RBM20: variants seen among roughly 807,000 people sequenced by gnomAD.
RBM20 encodes RNA binding motif protein 20, also known as RNA-binding protein 20.
RBM20 carries 51 observed loss-of-function variants against 110.1 expected under a neutral mutation model. That is an observed-to-expected ratio of 0.46 (90% CI 0.37 to 0.59). The LOEUF (loss-of-function observed/expected upper bound fraction) is 0.59. Among genes scored for constraint, RBM20 ranks in the 20% least tolerant of loss-of-function variants. The probability of loss-of-function intolerance (pLI) is 0.00; values close to 1 mark genes in which losing one functional copy is unlikely to be tolerated. For synonymous variants in RBM20, 589 were observed against 618.2 expected, an observed-to-expected ratio of 0.95 and a Z score of 0.70; for missense variants, 1,512 against 1,574.9, an observed-to-expected ratio of 0.96 and a Z score of 0.68.
intron 12 of RBM20, among the ~76,000 whole-genome samples, chr10:110,825,827 A>G (rs1844974272): frequency 6.6e-6 from 1 of 152,126 alleles, no homozygotes; most frequent in South Asian, 2.1e-4. Context: ...CCCTCTCAAA[A>G]CACCTATGAG....
At chr10:110,826,590 T>C (rs1413343544) in intron 12 of RBM20, among the ~76,000 whole-genome samples, 4 of 152,018 alleles carry the variant, frequency 2.6e-5, no homozygotes, top group African/African-American at 4.8e-5. Context: ...CTTCTTTTTT[T>C]TTTTTTTTTG....
At chr10:110,795,220 C>G (rs1844533933) in intron 5 of RBM20, among the ~76,000 whole-genome samples, 1 of 152,248 alleles carries the variant, frequency 6.6e-6, no homozygotes, top group Non-Finnish European at 1.5e-5. Context: ...AACACTCACA[C>G]TAATGGGAGG....
At chr10:110,805,515 A>G (rs775894260) in intron 7 of RBM20, among the ~76,000 whole-genome samples, 9 of 152,188 alleles carry the variant, frequency 5.9e-5, no homozygotes, top group Non-Finnish European at 1.2e-4. Flanking sequence ...AGCTCCCTTC[A>G]TGTTGGCCAA....
intron 1 of RBM20, among the ~76,000 whole-genome samples, chr10:110,729,985 T>A (rs1843604216): frequency 6.6e-6 from 1 of 152,018 alleles, no homozygotes; most frequent in African/African-American, 2.4e-5. Flanking sequence ...CCGGCTAATT[T>A]TTTTGTATTT....
chr10:110,745,473 C>A (rs1340927714), intron 1 of RBM20, among the ~76,000 whole-genome samples: 1 of 152,214 alleles, frequency 6.6e-6, no homozygotes, highest in African/African-American at 2.4e-5. Context: ...CCTGTCCCCA[C>A]TAGCTTTTGT....
chr10:110,831,380 C>G, intron 13 of RBM20, 198 bp downstream of exon 13: 1 of 511,226 alleles, frequency 2.0e-6, no homozygotes, highest in Non-Finnish European at 3.5e-6. Context: ...CCTTCCACTA[C>G]ATGGAAAACC....
chr10:110,695,933 T>A (rs1382641975), intron 1 of RBM20, among the ~76,000 whole-genome samples: 2 of 152,216 alleles, frequency 1.3e-5, no homozygotes, highest in Non-Finnish European at 2.9e-5. Flanking sequence ...ACTGATGCAT[T>A]GTGATATTTT....
intron 7 of RBM20, among the ~76,000 whole-genome samples, chr10:110,808,573 C>A (rs763849436): frequency 3.7e-4 from 56 of 152,198 alleles, no homozygotes; most frequent in Non-Finnish European, 7.6e-4. Context: ...TCTAAAACCT[C>A]TGACTTATTC....
chr10:110,725,994 C>T (rs2134940917), intron 1 of RBM20, among the ~76,000 whole-genome samples: 1 of 151,928 alleles, frequency 6.6e-6, no homozygotes, highest in African/African-American at 2.4e-5. Flanking sequence ...GACCCCATCC[C>T]CATCTTGGGG....
At chr10:110,816,727 G>C (rs2135113181) in intron 9 of RBM20, among the ~76,000 whole-genome samples, 1 of 152,342 alleles carries the variant, frequency 6.6e-6, no homozygotes. Context: ...GCTTGGCACA[G>C]AGCAGGTGTC....
rs753131120 is a variant in RBM20, at chr10:110,777,380, GT to G, written c.192-3419del. ...ACTACTATATGCACCTCAATTTCAG[GT>G]TATTAACTATTGCAGGCTAAGAATT... is the stretch of plus-strand genomic sequence containing the variant. On this transcript the variant is annotated intron_variant, in intron 1 of 13. Transcript: ENST00000369519. Among the ~76,000 whole-genome samples, 25 of 152,268 alleles carry G rather than the reference GT, an allele frequency of 1.6e-4. No homozygotes were observed. The East Asian group carries it at 1.7e-3, about 11-fold the overall frequency.
rs78712842 is a variant in RBM20, at chr10:110,775,047, C to T, written c.192-5754C>T. Among the ~76,000 whole-genome samples the T allele has an allele frequency of 7.2e-3, 1,097 of 152,290 alleles. 9 individuals carry two copies. Among genetic ancestry groups the T allele is most frequent in the African/African-American group, 0.025 (1,044 of 41,560 alleles). On this transcript the variant is annotated intron_variant, in intron 1 of 13. Transcript: ENST00000369519. ...TCTTGTTAGTTAAGTTGACATTAATCCTCTCTTTGCTTTAAGTCTCTCCTG... is the reference window on the plus strand; with the variant it reads ...TCTTGTTAGTTAAGTTGACATTAATTCTCTCTTTGCTTTAAGTCTCTCCTG...
intron 13 of RBM20, among the ~76,000 whole-genome samples, chr10:110,832,934 A>G (rs977535558): frequency 6.6e-6 from 1 of 152,224 alleles, no homozygotes; most frequent in African/African-American, 2.4e-5. Flanking sequence ...ACTGGGTCCC[A>G]CAAAGCCAGC....
intron 1 of RBM20, among the ~76,000 whole-genome samples, chr10:110,660,490 G>A (rs942945453): frequency 6.6e-6 from 1 of 152,146 alleles, no homozygotes; most frequent in East Asian, 1.9e-4. Context: ...GGTGAGCGGT[G>A]GGCGAGCAAG....
In RBM20 at chr10:110,835,955, C is replaced by T. The variant is rs144806140; in HGVS notation, c.3661C>T (p.Arg1221Cys). Residue 1221 changes from arginine to cysteine, a missense_variant, in exon 14 of 14, where the codon CGC becomes TGC. Coordinates refer to ENST00000369519, the MANE Select transcript of RBM20 (RefSeq NM_001134363.3). ...PRPEDSGIVP[R>C]FERKKL ...GCCAGAGGACAGCGGAATCGTGCCA[C>T]GCTTCGAAAGGAAAAAGCTCTGATG... 1.4e-5 allele frequency: 19 copies of T among 1,324,058 alleles called. No individual in the cohort carries two copies. The highest frequency in any genetic ancestry group is 5.1e-5 in the South Asian group (4 of 77,876). 82.0% of individuals were successfully genotyped at this position (1,324,058 alleles called of 1,614,324 possible). A position where few individuals can be genotyped will look rare whatever the true frequency, so the allele number is the denominator to read the frequency against.
At chr10:110,790,079 C>A (rs1844465951) in intron 5 of RBM20, among the ~76,000 whole-genome samples, 2 of 152,144 alleles carry the variant, frequency 1.3e-5, no homozygotes, top group African/African-American at 4.8e-5. Context: ...TCGCCAAGAC[C>A]CTGCACATTG....
intron 1 of RBM20, among the ~76,000 whole-genome samples, chr10:110,718,768 T>C (rs564770391): frequency 3.7e-4 from 56 of 151,984 alleles, no homozygotes; most frequent in African/African-American, 1.3e-3. Context: ...CCCGCCACAA[T>C]GCCCGGCTAA....
At chr10:110,722,238 T>A (rs957994098) in intron 1 of RBM20, among the ~76,000 whole-genome samples, 14 of 152,220 alleles carry the variant, frequency 9.2e-5, no homozygotes, top group Non-Finnish European at 1.9e-4. Flanking sequence ...CAGGCATTTT[T>A]AAATTAATTT....
At chr10:110,759,296 G>A (rs891886948) in intron 1 of RBM20, among the ~76,000 whole-genome samples, 5 of 152,124 alleles carry the variant, frequency 3.3e-5, no homozygotes, top group Admixed American at 6.5e-5. Flanking sequence ...ATCATCCTAG[G>A]GGGCTCAGAC....
Sources: allele counts gnomAD v4.1 joint callset (sites outside exome capture counted in the v4.1 genomes callset), GRCh38; gene constraint gnomAD v4.1.1; transcripts MANE v1.5; gene names NCBI Gene and HGNC (gene_info 2026-07-23, HGNC 2026-07-21).